KCNIP4: variants seen among roughly 807,000 people sequenced by gnomAD.
KCNIP4 encodes the protein potassium voltage-gated channel interacting protein 4, also known as Kv channel-interacting protein 4.
A neutral mutation model predicts 34.0 loss-of-function variants in KCNIP4; 12 were observed. The observed-to-expected ratio is 0.35, with a 90% confidence interval of 0.23 to 0.57. KCNIP4 has a LOEUF of 0.57. Ranked by LOEUF, KCNIP4 falls within the 20% of genes least tolerant of loss-of-function variation. The pLI is 0.83. For missense variants in KCNIP4, 238 were observed against 311.7 expected (o/e 0.76, Z 1.78); for synonymous variants, 124 against 102.2 (o/e 1.21, Z -1.29).
At chr4:21,503,269 TA>T in intron 1 of KCNIP4, among the ~76,000 whole-genome samples, 1 of 152,294 alleles carries the variant, frequency 6.6e-6, no homozygotes, top group African/African-American at 2.4e-5. Context: ...CAAATTCTCC[TA>T]AATACACCTC....
chr4:21,201,388 T>C (rs951407192), intron 1 of KCNIP4, among the ~76,000 whole-genome samples: 1 of 152,240 alleles, frequency 6.6e-6, no homozygotes, highest in Non-Finnish European at 1.5e-5. Context: ...TATGATTAAA[T>C]GTCAGAGAAG....
At chr4:21,879,195 C>G (rs1726316613) in intron 1 of KCNIP4, among the ~76,000 whole-genome samples, 1 of 152,122 alleles carries the variant, frequency 6.6e-6, no homozygotes, top group South Asian at 2.1e-4. Flanking sequence ...ATTGCACACC[C>G]TCAAGGAACT....
At chr4:21,501,993 G>GCA (rs10559810) in intron 1 of KCNIP4, among the ~76,000 whole-genome samples, 859 of 145,196 alleles carry the variant, frequency 5.9e-3, no homozygotes, top group African/African-American at 0.016. Flanking sequence ...TCATGCACAC[G>GCA]CACACACACA....
At chr4:21,716,001 G>A (rs1714346553) in intron 1 of KCNIP4, among the ~76,000 whole-genome samples, 1 of 152,152 alleles carries the variant, frequency 6.6e-6, no homozygotes, top group Non-Finnish European at 1.5e-5. Context: ...CAACATTAAA[G>A]TGGAAACACC....
rs1158501291 is a variant in KCNIP4, at chr4:21,839,608, C to A, written c.61+108963G>T. Among the ~76,000 whole-genome samples the A allele has an allele frequency of 2.0e-5, 3 of 152,044 alleles. No homozygotes were observed. The East Asian group carries it at 5.8e-4, about 29-fold the overall frequency. On this transcript the variant is annotated intron_variant, in intron 1 of 8. Transcript: ENST00000382152. ...GTCTCTACTAAAAATACAAAATTAG[C>A]CAAGCATAGTGGCACATGCCTGTAA...
intron 3 of KCNIP4, among the ~76,000 whole-genome samples, chr4:20,760,052 G>A (rs1047643229): frequency 4.6e-5 from 7 of 152,212 alleles, no homozygotes; most frequent in East Asian, 1.9e-4. Flanking sequence ...TCAGAGGGGC[G>A]ACTATATTTA....
At chr4:20,949,612 T>C in intron 1 of KCNIP4, among the ~76,000 whole-genome samples, 1 of 151,948 alleles carries the variant, frequency 6.6e-6, no homozygotes, top group Non-Finnish European at 1.5e-5. Context: ...CCAACCCAAA[T>C]GTCCAACAAT....
At chr4:20,975,741 T>G (rs939228158) in intron 1 of KCNIP4, among the ~76,000 whole-genome samples, 7 of 152,150 alleles carry the variant, frequency 4.6e-5, no homozygotes, top group African/African-American at 1.7e-4. Flanking sequence ...TATTGCCAAC[T>G]CTAGAACAAG....
intron 1 of KCNIP4, among the ~76,000 whole-genome samples, chr4:20,937,568 T>A (rs1731209273): frequency 6.6e-6 from 1 of 152,108 alleles, no homozygotes; most frequent in South Asian, 2.1e-4. Flanking sequence ...TGATATTTGA[T>A]ACTGGAAGAA....
intron 1 of KCNIP4, among the ~76,000 whole-genome samples, chr4:21,319,497 TG>T (rs1312975497): frequency 6.6e-6 from 1 of 152,232 alleles, no homozygotes; most frequent in Non-Finnish European, 1.5e-5. Context: ...ACCACCACTC[TG>T]CAGCTCTGGA....
chr4:20,835,066 G>A (rs966013876), intron 3 of KCNIP4, among the ~76,000 whole-genome samples: 1 of 152,018 alleles, frequency 6.6e-6, no homozygotes, highest in Admixed American at 6.6e-5. Flanking sequence ...TCAAGATTCT[G>A]TTGCTTACCA....
chr4:21,734,646 C>G (rs1208070759), intron 1 of KCNIP4, among the ~76,000 whole-genome samples: 1 of 152,170 alleles, frequency 6.6e-6, no homozygotes, highest in East Asian at 1.9e-4. Context: ...AAACACTTGA[C>G]TCAATTGGTA....
intron 1 of KCNIP4, among the ~76,000 whole-genome samples, chr4:21,276,893 T>G (rs954186577): frequency 6.6e-6 from 1 of 152,180 alleles, no homozygotes; most frequent in African/African-American, 2.4e-5. Flanking sequence ...CATTCCTTCT[T>G]TCTTCACTAT....
chr4:20,730,215 C>G, intron 8 of KCNIP4, 86 bp from the exon 9 acceptor site: 5 of 1,453,260 alleles, frequency 3.4e-6, no homozygotes, highest in South Asian at 2.9e-5. Context: ...TGCCTCCTCC[C>G]ATCAACCACC....
chr4:21,948,132 G>A (rs1389514310), intron 1 of KCNIP4, among the ~76,000 whole-genome samples: 1 of 152,208 alleles, frequency 6.6e-6, no homozygotes, highest in Non-Finnish European at 1.5e-5. Context: ...CAAAAATACA[G>A]TTGTAATGAA....
chr4:20,730,333 T>C (rs1270874947), intron 8 of KCNIP4, among the ~76,000 whole-genome samples: 1 of 152,024 alleles, frequency 6.6e-6, no homozygotes, highest in Non-Finnish European at 1.5e-5. Context: ...ATTTTATATT[T>C]TGTGGAGTCT....
chr4:21,431,732 T>C (rs144407427), intron 1 of KCNIP4, among the ~76,000 whole-genome samples: 2 of 152,020 alleles, frequency 1.3e-5, no homozygotes, highest in East Asian at 1.9e-4. Context: ...GATAGATTAA[T>C]ATTTTATGGA....
At chr4:21,782,277 T>C (rs1719621409) in intron 1 of KCNIP4, among the ~76,000 whole-genome samples, 1 of 152,106 alleles carries the variant, frequency 6.6e-6, no homozygotes, top group Admixed American at 6.6e-5. Context: ...ATACAAACAA[T>C]GATCAAAAGA....
intron 1 of KCNIP4, among the ~76,000 whole-genome samples, chr4:21,202,821 A>G (rs1325762549): frequency 3.3e-5 from 5 of 152,134 alleles, no homozygotes; most frequent in Admixed American, 2.0e-4. Context: ...GTGTCACTCA[A>G]TAGAAAACAA....
Sources: gnomAD v4.1 joint callset for allele counts (sites outside exome capture counted in the v4.1 genomes callset) on GRCh38, gnomAD v4.1.1 for gene constraint, MANE v1.5 for transcripts, NCBI Gene and HGNC (gene_info 2026-07-23, HGNC 2026-07-21) for gene names.